Variants in CEP85L observed in about 807,000 individuals in gnomAD.
CEP85L encodes centrosomal protein of 85 kDa-like.
In CEP85L, 60 loss-of-function variants were observed where a neutral mutation model predicts 100.3. The ratio of observed to expected loss-of-function variants is 0.60; its 90% CI spans 0.49 to 0.74. CEP85L has a LOEUF of 0.74. Among genes scored for constraint, CEP85L ranks in the 30% least tolerant of loss-of-function variants. CEP85L has a pLI of 0.00. For missense variants in CEP85L, 973 were observed against 936.2 expected, an observed-to-expected ratio of 1.04 and a Z score of -0.51; for synonymous variants, 319 against 322.7, an observed-to-expected ratio of 0.99 and a Z score of 0.12.
chr6:118,589,299 C>A (rs936941713), intron 2 of CEP85L: 5 of 236,552 alleles, frequency 2.1e-5, no homozygotes, highest in Non-Finnish European at 4.7e-5. Context: ...AAATGGGCTG[C>A]AGAATTCCAG....
In CEP85L at chr6:118,462,831, G is replaced by A. The variant is rs958961722; in HGVS notation, c.*2574C>T. ...GTGTCCTGGGAAAGGAAAATTTTCT[G>A]AAAAATAAAAATCAAAAAGTAAATA... On this transcript the variant is annotated 3_prime_UTR_variant, in exon 13 of 13. Transcript: ENST00000368491. The A allele has an allele frequency of 9.2e-5, 14 of 151,798 alleles. No individual in the cohort carries two copies. The highest frequency in any genetic ancestry group is 3.1e-4 in the African/African-American group (13 of 41,368). 9.4% of individuals were successfully genotyped at this position (151,798 alleles called of 1,614,324 possible).
At chr6:118,510,976 C>T (rs866144987) in intron 5 of CEP85L, among the ~76,000 whole-genome samples, 7 of 151,740 alleles carry the variant, frequency 4.6e-5, no homozygotes, top group East Asian at 1.9e-4. Context: ...AAGCAAGGTG[C>T]CAGATAATGT....
intron 5 of CEP85L, among the ~76,000 whole-genome samples, chr6:118,498,256 G>A (rs185823247): frequency 9.8e-5 from 15 of 152,300 alleles, no homozygotes; most frequent in Admixed American, 7.2e-4. Context: ...TACTTTGAGA[G>A]GCTGAGGCAG....
At chr6:118,628,544 TAA>T (rs1256669914) in intron 2 of CEP85L, among the ~76,000 whole-genome samples, 1 of 145,856 alleles carries the variant, frequency 6.9e-6, no homozygotes, top group African/African-American at 2.5e-5. Flanking sequence ...ATTATTTAAT[TAA>T]AAAAAAAAGG....
intron 2 of CEP85L, among the ~76,000 whole-genome samples, chr6:118,615,518 C>T (rs1301059734): frequency 2.6e-5 from 4 of 152,210 alleles, no homozygotes; most frequent in Non-Finnish European, 4.4e-5. Context: ...TTTCCCACAC[C>T]GTGCACGTTC....
intron 4 of CEP85L, among the ~76,000 whole-genome samples, chr6:118,516,642 A>T (rs1776297573): frequency 6.6e-6 from 1 of 152,178 alleles, no homozygotes; most frequent in Non-Finnish European, 1.5e-5. Context: ...GATTCTGGAT[A>T]TCAGCCCTTT....
chr6:118,554,871 G>A (rs904283771), intron 3 of CEP85L, among the ~76,000 whole-genome samples: 1 of 152,168 alleles, frequency 6.6e-6, no homozygotes, highest in Non-Finnish European at 1.5e-5. Context: ...AGGGAATGGA[G>A]TATTTATGGA....
chr6:118,540,648 T>C (rs1364363149), intron 3 of CEP85L, among the ~76,000 whole-genome samples: 1 of 151,806 alleles, frequency 6.6e-6, no homozygotes, highest in Non-Finnish European at 1.5e-5. Flanking sequence ...TCCCAGCTAC[T>C]AGGGAGGCTG....
In CEP85L at chr6:118,467,148, T is replaced by C. The variant is rs76979573; in HGVS notation, c.2255-1580A>G. On this transcript the variant is annotated intron_variant, in intron 12 of 12. Coordinates refer to ENST00000368491, the MANE Select transcript of CEP85L (RefSeq NM_001042475.3). ...TGTAGAGTCTGTGATGCATTTGAAA[T>C]AGCCAGTTCTAATATACATGGGAAT... 3.9e-3 allele frequency among the ~76,000 whole-genome samples: 588 copies of C among 152,138 alleles called. 3 individuals carry two copies. The highest frequency in any genetic ancestry group is 0.014 in the African/African-American group (562 of 41,512).
chr6:118,597,228 C>T (rs1169129897), intron 2 of CEP85L, among the ~76,000 whole-genome samples: 3 of 152,192 alleles, frequency 2.0e-5, no homozygotes, highest in African/African-American at 7.2e-5. Context: ...AGCATGAGAA[C>T]AGAGTAATAC....
chr6:118,672,806 GGAAGGA>G (rs1281847694), intron 1 of CEP85L, among the ~76,000 whole-genome samples: 12 of 151,628 alleles, frequency 7.9e-5, no homozygotes, highest in Non-Finnish European at 8.8e-5. Flanking sequence ...GGAAGGAGGA[GGAAGGA>G]GAAGGAGGAG....
At chr6:118,639,048 A>T (rs1774696880) in intron 1 of CEP85L, among the ~76,000 whole-genome samples, 1 of 152,212 alleles carries the variant, frequency 6.6e-6, no homozygotes, top group Non-Finnish European at 1.5e-5. Flanking sequence ...ACATAATACA[A>T]ATCGAGAATA....
chr6:118,547,673 C>T (rs180853521), intron 3 of CEP85L, among the ~76,000 whole-genome samples: 2 of 152,028 alleles, frequency 1.3e-5, no homozygotes, highest in Non-Finnish European at 1.5e-5. Flanking sequence ...TGTTAAACTG[C>T]TAATTGAAGA....
chr6:118,590,342 G>C (rs552874651), intron 2 of CEP85L, among the ~76,000 whole-genome samples: 1 of 152,142 alleles, frequency 6.6e-6, no homozygotes. Flanking sequence ...TTGAGGGGCT[G>C]AGCCGGCAAG....
At chr6:118,584,201 AAT>A (rs1780731932) in intron 2 of CEP85L, among the ~76,000 whole-genome samples, 1 of 152,190 alleles carries the variant, frequency 6.6e-6, no homozygotes, top group Non-Finnish European at 1.5e-5. Flanking sequence ...AGCTCTTCTC[AAT>A]ATGTTAGCTA....
At chr6:118,643,989 C>A (rs1775034912) in intron 1 of CEP85L, among the ~76,000 whole-genome samples, 1 of 152,184 alleles carries the variant, frequency 6.6e-6, no homozygotes, top group Non-Finnish European at 1.5e-5. Flanking sequence ...CAAACCCAGA[C>A]AACTGGTCAC....
At chr6:118,703,653 G>A (rs1185020316) in intron 1 of CEP85L, among the ~76,000 whole-genome samples, 4 of 152,240 alleles carry the variant, frequency 2.6e-5, no homozygotes, top group Admixed American at 1.3e-4. Flanking sequence ...GCTCAGAGCA[G>A]GGACTGGGAA....
At chr6:118,499,408 G>A (rs1775129804) in intron 5 of CEP85L, among the ~76,000 whole-genome samples, 1 of 152,188 alleles carries the variant, frequency 6.6e-6, no homozygotes, top group African/African-American at 2.4e-5. Flanking sequence ...GCTCATGCCT[G>A]TAATCCCAGC....
intron 1 of CEP85L, among the ~76,000 whole-genome samples, chr6:118,650,018 A>T (rs1274596883): frequency 1.3e-5 from 2 of 152,182 alleles, no homozygotes; most frequent in Non-Finnish European, 2.9e-5. Context: ...GATTTTTTTT[A>T]AATAGCAGAA....
Sources: allele counts gnomAD v4.1 joint callset (sites outside exome capture counted in the v4.1 genomes callset), GRCh38; gene constraint gnomAD v4.1.1; transcripts MANE v1.5; gene names NCBI Gene and HGNC (gene_info 2026-07-23, HGNC 2026-07-21).